The following TMLHE variants were observed in gnomAD, a reference collection of about 807,000 sequenced individuals.
The protein encoded by TMLHE is trimethyllysine dioxygenase, mitochondrial.
In TMLHE, 18 loss-of-function variants were observed where a neutral mutation model predicts 25.7. The ratio of observed to expected loss-of-function variants is 0.70; its 90% CI spans 0.48 to 1.04. TMLHE has a LOEUF of 1.04. Among genes scored for constraint, TMLHE ranks in the 50% least tolerant of loss-of-function variants. The pLI, the probability that TMLHE is intolerant of heterozygous loss-of-function variation, is 0.00. For missense variants in TMLHE, 236 were observed against 259.0 expected (o/e 0.91, Z 0.61); for synonymous variants, 105 against 97.0 (o/e 1.08, Z -0.49).
chrX:155,528,868 G>A (rs1260216552), intron 2 of TMLHE, among the ~76,000 whole-genome samples: 3 of 111,308 alleles, frequency 2.7e-5, no homozygotes, highest in South Asian at 3.8e-4. Context: ...AGTATTTATC[G>A]TATAGAAAGT....
chrX:155,534,542 C>A (rs2067267386), intron 2 of TMLHE, among the ~76,000 whole-genome samples: 1 of 111,601 alleles, frequency 9.0e-6, no homozygotes, highest in African/African-American at 3.3e-5. Context: ...GGCCTTATTT[C>A]TCTCTTTTTG....
intron 6 of TMLHE, 141 bp downstream of exon 6, chrX:155,506,757 T>C (rs1169968261): frequency 1.9e-6 from 1 of 521,351 alleles, no homozygotes; most frequent in Non-Finnish European, 3.3e-6. Flanking sequence ...ATAAGAAGAA[T>C]ACAAACTGTT....
chrX:155,507,492 T>C (rs1364621739), intron 5 of TMLHE, among the ~76,000 whole-genome samples: 1 of 108,964 alleles, frequency 9.2e-6, no homozygotes, highest in Non-Finnish European at 1.9e-5. Flanking sequence ...GGTACTATAA[T>C]AAAGTTGCAT....
At position 155,571,569 on chromosome X, in the gene TMLHE, G is replaced by C. The variant is rs1369916543; in HGVS notation, c.-1-26292C>G. On this transcript the variant is annotated intron_variant, in intron 1 of 7. Transcript: ENST00000334398. ...TAGACCAATATCCTTGATGAACATT[G>C]ATGCAAAAATCCTCAATAAAATACT... Among the ~76,000 whole-genome samples, 189 of 46,161 alleles carry C rather than the reference G, an allele frequency of 4.1e-3. 28 individuals carry two copies. Among genetic ancestry groups the C allele is most frequent in the African/African-American group, 9.4e-3 (182 of 19,372 alleles). The allele number at this position is 46,161 out of a possible 115,157, so 40.1% of individuals were successfully genotyped here. A position where few individuals can be genotyped will look rare whatever the true frequency, so the allele number is the denominator to read the frequency against.
intron 1 of TMLHE, among the ~76,000 whole-genome samples, chrX:155,580,764 T>A (rs1305208960): frequency 9.0e-6 from 1 of 111,468 alleles, no homozygotes; most frequent in African/African-American, 3.3e-5. Flanking sequence ...CCTGGTACCA[T>A]TTCTTCTGAA....
At chrX:155,543,921 G>A (rs1269667632) in intron 2 of TMLHE, among the ~76,000 whole-genome samples, 1 of 112,048 alleles carries the variant, frequency 8.9e-6, no homozygotes, top group Non-Finnish European at 1.9e-5. Context: ...GGTACCAGAA[G>A]CATTAAATTT....
rs1389884951 is a variant in TMLHE at position 155,570,043 on chromosome X, A to G, written c.-1-24766T>C. ...CCAATTAAAAGACACAGACTGGCAA[A>G]TTGGATAAAGAGTCAAGACCCATCA... On this transcript the variant is annotated intron_variant, in intron 1 of 7. Transcript: ENST00000334398. 2.3e-4 allele frequency among the ~76,000 whole-genome samples: 13 copies of G among 55,821 alleles called. 3 individuals carry two copies. The highest frequency in any genetic ancestry group is 5.6e-4 in the African/African-American group (13 of 23,337). The allele number at this position is 55,821 out of a possible 115,157, so 48.5% of individuals were successfully genotyped here.
intron 1 of TMLHE, among the ~76,000 whole-genome samples, chrX:155,549,173 A>G (rs782708693): frequency 2.7e-5 from 3 of 111,240 alleles, no homozygotes; most frequent in Non-Finnish European, 5.6e-5. Flanking sequence ...TATATAAGGA[A>G]TGTCATATAT....
chrX:155,533,654 CCT>C (rs1210457993), intron 2 of TMLHE, among the ~76,000 whole-genome samples: 6 of 111,069 alleles, frequency 5.4e-5, no homozygotes, highest in Non-Finnish European at 9.4e-5. Context: ...AGAGGGAAAG[CCT>C]CCATGTTCCT....
chrX:155,571,448 A>G (rs2067550250), intron 1 of TMLHE, among the ~76,000 whole-genome samples: 1 of 56,483 alleles, frequency 1.8e-5, no homozygotes, highest in African/African-American at 4.3e-5. Flanking sequence ...TATTCCAATC[A>G]ACAAAAAAAG....
intron 1 of TMLHE, among the ~76,000 whole-genome samples, chrX:155,579,568 T>C (rs2067612327): frequency 8.9e-6 from 1 of 111,925 alleles, no homozygotes; most frequent in Admixed American, 9.5e-5. Context: ...GCAGGTTTGT[T>C]ACAAAGGTAT....
chrX:155,605,586 C>G (rs181143946), intron 1 of TMLHE, among the ~76,000 whole-genome samples: 55 of 111,565 alleles, frequency 4.9e-4, no homozygotes, highest in African/African-American at 1.6e-3. Context: ...ACAAGAGGTC[C>G]TTAAGGGAAT....
chrX:155,582,179 T>C (rs1300930915), intron 1 of TMLHE, among the ~76,000 whole-genome samples: 4 of 112,162 alleles, frequency 3.6e-5, no homozygotes, highest in Non-Finnish European at 3.8e-5. Flanking sequence ...TAATTCAAGA[T>C]GGATTAAAGA....
chrX:155,530,564 T>C (rs2067244070), intron 2 of TMLHE, among the ~76,000 whole-genome samples: 1 of 112,210 alleles, frequency 8.9e-6, no homozygotes, highest in Admixed American at 9.4e-5. Context: ...GTAGCTGTTC[T>C]TGCCACAAAA....
At position 155,565,419 on chromosome X, in the gene TMLHE, G is replaced by A. The variant is rs1448919919; in HGVS notation, c.-1-20142C>T. ...AACTACCCCTTGAGTTTCCTGGTAT[G>A]TCCTTGATTCCAATGCATGGACTTC... On this transcript the variant is annotated intron_variant, in intron 1 of 7. Coordinates refer to ENST00000334398, the MANE Select transcript of TMLHE (RefSeq NM_018196.4). Among the ~76,000 whole-genome samples the A allele has an allele frequency of 3.2e-5, 2 of 61,858 alleles. 1 individual carries two copies. The highest frequency in any genetic ancestry group is 9.1e-5 in the Non-Finnish European group (2 of 22,043). 53.7% of individuals were successfully genotyped at this position (61,858 alleles called of 115,157 possible).
At chrX:155,547,198 G>A (rs1317515696) in intron 1 of TMLHE, among the ~76,000 whole-genome samples, 12 of 96,503 alleles carry the variant, frequency 1.2e-4, no homozygotes, top group Non-Finnish European at 2.1e-4. Flanking sequence ...AGGCTGGAGT[G>A]CAGTGGCGCT....
Position 155,533,372 on chromosome X carries a change from T to TGCGCAC in TMLHE, c.182-8741_182-8740insGTGCGC, listed in dbSNP as rs201401508. ...ACACACATACACATGCACACACACG[T>TGCGCAC]GCACACGCACACACACACACACACA... is the stretch of plus-strand genomic sequence containing the variant. On this transcript the variant is annotated intron_variant, in intron 2 of 7. Transcript: ENST00000334398. Among the ~76,000 whole-genome samples, 143 of 61,154 alleles carry TGCGCAC rather than the reference T, an allele frequency of 2.3e-3. 2 individuals are homozygous for TGCGCAC. Among genetic ancestry groups the TGCGCAC allele is most frequent in the South Asian group, 0.013 (13 of 1,036 alleles). The allele number at this position is 61,154 out of a possible 115,157, so 53.1% of individuals were successfully genotyped here.
At chrX:155,609,860 GA>G (rs1310419454) in intron 1 of TMLHE, among the ~76,000 whole-genome samples, 1 of 111,909 alleles carries the variant, frequency 8.9e-6, no homozygotes, top group Middle Eastern at 4.2e-3. Flanking sequence ...CTACACATTT[GA>G]AAAAAACAAA....
At chrX:155,529,863 T>G (rs1328971412) in intron 2 of TMLHE, among the ~76,000 whole-genome samples, 1 of 112,186 alleles carries the variant, frequency 8.9e-6, no homozygotes, top group Non-Finnish European at 1.9e-5. Flanking sequence ...TGTTGTCTCA[T>G]TTATTTATTT....
Sources: gnomAD v4.1 joint callset for allele counts (sites outside exome capture counted in the v4.1 genomes callset) on GRCh38, gnomAD v4.1.1 for gene constraint, MANE v1.5 for transcripts, NCBI Gene and HGNC (gene_info 2026-07-23, HGNC 2026-07-21) for gene names.